RPS13: variants seen among roughly 807,000 people sequenced by gnomAD.
RPS13 encodes small ribosomal subunit protein uS15.
Under a neutral mutation model 24.6 loss-of-function variants are expected in RPS13, and 1 was observed. The ratio of observed to expected loss-of-function variants is 0.04; its 90% CI spans 0.01 to 0.19. RPS13 has a LOEUF of 0.19. Among genes scored for constraint, RPS13 ranks in the 10% least tolerant of loss-of-function variants. RPS13 has a pLI of 1.00. For missense variants in RPS13, 88 were observed against 187.4 expected (o/e 0.47, Z 3.10); for synonymous variants, 69 against 65.3 (o/e 1.06, Z -0.27).
In RPS13 at chr11:17,075,639, C is replaced by A. The variant is rs369238265; in HGVS notation, c.152-16G>T. The A allele has an allele frequency of 2.5e-6, 4 of 1,579,978 alleles. No homozygotes were observed. The highest frequency in any genetic ancestry group is 1.7e-6 in the Non-Finnish European group (2 of 1,165,770). ...AGGATTACACCTGAAAAGGGAATCA[C>A]GTTTTAACTTTCAACACGAAACACA... On this transcript the variant is annotated splice_polypyrimidine_tract_variant and intron_variant, in intron 3 of 5. Transcript: ENST00000525634.
intron 4 of RPS13, 61 bp from the exon 5 acceptor site, chr11:17,075,258 C>T: frequency 2.5e-6 from 3 of 1,216,240 alleles, no homozygotes. Context: ...CATTATCAAA[C>T]ATTAATAAGA....
Position 17,077,486 on chromosome 11 carries a change from A to G in RPS13, c.24-9T>C, listed in dbSNP as rs1848038513. On this transcript the variant is annotated splice_polypyrimidine_tract_variant and intron_variant, in intron 1 of 5. Transcript: ENST00000525634. ...ACTGGGACAGGCCCTTCCTGGGGAG[A>G]GAAGCAGTCTCGAGGTGAGGTGGCG... 1 of 1,613,934 alleles carries G rather than the reference A, an allele frequency of 6.2e-7. No individual in the cohort carries two copies. Among genetic ancestry groups the G allele is most frequent in the Non-Finnish European group, 8.5e-7 (1 of 1,179,972 alleles).
chr11:17,076,964 G>C (rs533812250), intron 3 of RPS13: 1 of 570,808 alleles, frequency 1.8e-6, no homozygotes, highest in Admixed American at 3.0e-5. Flanking sequence ...ACTGTAAACT[G>C]GGGTGAAAGC....
At chr11:17,075,703 G>A (rs1014331742) in intron 3 of RPS13, 80 bp from the exon 4 acceptor site, 14 of 1,156,546 alleles carry the variant, frequency 1.2e-5, no homozygotes, top group Middle Eastern at 2.0e-4. Context: ...CAGAAATCAG[G>A]GCATAGTTTC....
Position 17,074,419 on chromosome 11 carries a change from G to A in RPS13, c.*14C>T, listed in dbSNP as rs1298457105. 6 of 1,599,156 alleles carry A rather than the reference G, an allele frequency of 3.8e-6. No individual in the cohort carries two copies. The South Asian group carries it at 6.6e-5, about 18-fold the overall frequency. On this transcript the variant is annotated 3_prime_UTR_variant, in exon 6 of 6. Transcript: ENST00000525634. Reference sequence around the variant, plus strand: ...GTTAAACAATCATTTTATTGCTTGAGTACACAGACAAATTTATGCGACCAG... The same window carrying A: ...GTTAAACAATCATTTTATTGCTTGAATACACAGACAAATTTATGCGACCAG...
At chr11:17,075,043 TA>T in intron 5 of RPS13, 53 bp downstream of exon 5, 1 of 1,216,564 alleles carries the variant, frequency 8.2e-7, no homozygotes, top group South Asian at 1.3e-5. Flanking sequence ...CTAGGACTTT[TA>T]CTACTGGCTG....
In RPS13 at chr11:17,077,592, C is replaced by G. The variant is rs762850135; in HGVS notation, c.23+27G>C. ...TGTCTTCCTCCCACCCCCCGCCCAG[C>G]AATCCGGCTTGATGCCCCGAGCTCA... is the stretch of plus-strand genomic sequence containing the variant. On this transcript the variant is annotated intron_variant, in intron 1 of 5. Transcript: ENST00000525634. The G allele has an allele frequency of 2.4e-5, 17 of 712,058 alleles. No homozygotes were observed. The East Asian group carries it at 2.5e-4, about 10-fold the overall frequency. 44.1% of individuals were successfully genotyped at this position (712,058 alleles called of 1,614,324 possible).
intron 2 of RPS13, 71 bp from the exon 3 acceptor site, chr11:17,077,317 T>C (rs1848036737): frequency 6.3e-7 from 1 of 1,576,262 alleles, no homozygotes; most frequent in African/African-American, 1.3e-5. Context: ...GGTCTCTCCT[T>C]CCGCAAAACC....
chr11:17,077,546 C>T (rs987677718), intron 1 of RPS13, 69 bp from the exon 2 acceptor site: 24 of 1,612,004 alleles, frequency 1.5e-5, no homozygotes, highest in Non-Finnish European at 1.9e-5. Flanking sequence ...ATCATCCCCT[C>T]GGCCCGCTGC....
rs1011015730 is a variant in RPS13, at chr11:17,075,114, G to A, written c.405C>T (p.Leu135=). 3 of 1,608,436 alleles carry A rather than the reference G, an allele frequency of 1.9e-6. No homozygotes were observed. Among genetic ancestry groups the A allele is most frequent in the Middle Eastern group, 1.7e-4 (1 of 5,756 alleles). ...ATACTTACTATTTCCAATTGGGAGG[G>A]AGGACTCGCTTGGTCTTATAATATC... ...LARYYKTKRV[L]PPNWKYESST... Residue 135 remains leucine (L), a synonymous_variant, in exon 5 of 6, where the codon CTC becomes CTT. Coordinates refer to ENST00000525634, the MANE Select transcript of RPS13 (RefSeq NM_001017.3).
At chr11:17,076,852 CTG>C in intron 3 of RPS13, 1 of 449,542 alleles carries the variant, frequency 2.2e-6, no homozygotes, top group South Asian at 2.9e-5. Flanking sequence ...CTGTGAGGAA[CTG>C]TGTCAGGCAC....
In RPS13 at chr11:17,077,653, T is replaced by C. The variant is rs758974492; in HGVS notation, c.-12A>G. 41 of 1,596,114 alleles carry C rather than the reference T, an allele frequency of 2.6e-5. No individual in the cohort carries two copies. The highest frequency in any genetic ancestry group is 3.3e-4 in the Middle Eastern group (2 of 5,994). ...TGCATGCGACCCATGATGGCGGCGA[T>C]CAGGCAACGAAAGGAGAGCGAGAGT... On this transcript the variant is annotated 5_prime_UTR_variant, in exon 1 of 6. Transcript: ENST00000525634.
At chr11:17,077,289 A>G (rs2137239042) in intron 2 of RPS13, 43 bp from the exon 3 acceptor site, 1 of 1,587,794 alleles carries the variant, frequency 6.3e-7, no homozygotes, top group East Asian at 2.2e-5. Context: ...GAACCCAGGA[A>G]TGGCGCCGCA....
At position 17,077,622 on chromosome 11, in the gene RPS13, G is replaced by T; in HGVS notation, c.20C>A (p.Pro7His). 1 of 1,608,394 alleles carries T rather than the reference G, an allele frequency of 6.2e-7. No homozygotes were observed. Among genetic ancestry groups the T allele is most frequent in the Non-Finnish European group, 8.5e-7 (1 of 1,179,152 alleles). MGRMHA[P>H]GKGLSQSALP... is the part of the protein sequence containing the mutation. ...CGGCTTGATGCCCCGAGCTCACCCG[G>T]GAGCATGCATGCGACCCATGATGGC... The change falls in exon 1 of 6, where the codon CCC becomes CAC. Residue 7 changes from proline to histidine, a missense_variant. Pro to His is a moderately conservative substitution (Grantham distance 77, BLOSUM62 -2). Coordinates refer to ENST00000525634, the MANE Select transcript of RPS13 (RefSeq NM_001017.3).
At chr11:17,077,078 G>T in intron 3 of RPS13, 90 bp downstream of exon 3, 1 of 960,424 alleles carries the variant, frequency 1.0e-6, no homozygotes, top group Non-Finnish European at 1.7e-6. Flanking sequence ...CCAGAGTTTT[G>T]GCTATTTTTA....
intron 4 of RPS13, 98 bp downstream of exon 4, chr11:17,075,356 C>G (rs1176952593): frequency 1.3e-5 from 14 of 1,094,802 alleles, no homozygotes; most frequent in Non-Finnish European, 1.9e-5. Flanking sequence ...GGTTTGTGTA[C>G]TAAGCCTTGG....
At chr11:17,075,708 A>T in intron 3 of RPS13, 85 bp from the exon 4 acceptor site, 1 of 1,087,920 alleles carries the variant, frequency 9.2e-7, no homozygotes, top group Non-Finnish European at 1.4e-6. Context: ...ATCAGGGCAT[A>T]GTTTCCTATC....
At chr11:17,075,744 C>G in intron 3 of RPS13, 121 bp from the exon 4 acceptor site, 1 of 792,604 alleles carries the variant, frequency 1.3e-6, no homozygotes, top group Middle Eastern at 2.2e-4. Context: ...TACTTTTATA[C>G]ATCACAGAAA....
At position 17,075,731 on chromosome 11, in the gene RPS13, G is replaced by T. The variant is rs1421061748; in HGVS notation, c.152-108C>A. 24 of 859,010 alleles carry T rather than the reference G, an allele frequency of 2.8e-5. No homozygotes were observed. The East Asian group carries it at 5.5e-4, about 20-fold the overall frequency. The allele number at this position is 859,010 out of a possible 1,614,324, so 53.2% of individuals were successfully genotyped here. On this transcript the variant is annotated intron_variant, in intron 3 of 5. Coordinates refer to ENST00000525634, the MANE Select transcript of RPS13 (RefSeq NM_001017.3). ...ATAGTTTCCTATCTGTAAGATGGGG[G>T]TATACTTTTATACATCACAGAAACC...
Sources: gnomAD v4.1 joint callset for allele counts on GRCh38, gnomAD v4.1.1 for gene constraint, MANE v1.5 for transcripts, NCBI Gene and HGNC (gene_info 2026-07-23, HGNC 2026-07-21) for gene names.